The following FCHSD2 variants were observed in gnomAD, a reference collection of about 807,000 sequenced individuals.
FCHSD2 encodes the protein F-BAR and double SH3 domains protein 2.
In FCHSD2, 38 loss-of-function variants were observed where a neutral mutation model predicts 108.1. That is an observed-to-expected ratio of 0.35 (90% CI 0.27 to 0.46). The LOEUF is 0.46. Among genes scored for constraint, FCHSD2 ranks in the 20% least tolerant of loss-of-function variants. The pLI, the probability that FCHSD2 is intolerant of heterozygous loss-of-function variation, is 1.00. For synonymous variants in FCHSD2, 279 were observed against 314.7 expected (o/e 0.89, Z 1.20); for missense variants, 751 against 897.8 (o/e 0.84, Z 2.09).
intron 3 of FCHSD2, among the ~76,000 whole-genome samples, chr11:73,070,877 A>C (rs1468384551): frequency 6.6e-6 from 1 of 152,144 alleles, no homozygotes; most frequent in Non-Finnish European, 1.5e-5. Flanking sequence ...GTCTGCTGGA[A>C]GTGAAATAAT....
At chr11:73,014,509 T>C (rs149771427) in intron 4 of FCHSD2, among the ~76,000 whole-genome samples, 5 of 152,328 alleles carry the variant, frequency 3.3e-5, no homozygotes, top group Admixed American at 2.0e-4. Context: ...ACACCTTCCA[T>C]GATATCAGTA....
chr11:73,041,055 G>C (rs924369711), intron 3 of FCHSD2, among the ~76,000 whole-genome samples: 11 of 152,138 alleles, frequency 7.2e-5, no homozygotes, highest in African/African-American at 2.7e-4. Flanking sequence ...ATAAATGACA[G>C]AATTTCATTC....
intron 3 of FCHSD2, among the ~76,000 whole-genome samples, chr11:73,048,914 T>A (rs1446646438): frequency 1.3e-5 from 2 of 152,214 alleles, no homozygotes; most frequent in Non-Finnish European, 2.9e-5. Context: ...TAGCAAGATG[T>A]TGATCGAGTA....
chr11:72,947,624 C>A (rs1292604802), intron 8 of FCHSD2, among the ~76,000 whole-genome samples: 1 of 152,140 alleles, frequency 6.6e-6, no homozygotes, highest in African/African-American at 2.4e-5. Context: ...GTAGGAACTC[C>A]CATCCTCCAG....
chr11:72,945,415 C>T (rs527309727), intron 8 of FCHSD2, among the ~76,000 whole-genome samples: 1 of 152,326 alleles, frequency 6.6e-6, no homozygotes, highest in Non-Finnish European at 1.5e-5. Flanking sequence ...GGGTTAAAGA[C>T]TTAAATGTTA....
intron 6 of FCHSD2, among the ~76,000 whole-genome samples, chr11:72,986,305 G>A (rs548883044): frequency 1.3e-5 from 2 of 152,268 alleles, no homozygotes; most frequent in African/African-American, 4.8e-5. Context: ...TGCCTCCTGG[G>A]TTCATGCCAT....
chr11:73,044,575 C>T (rs1162766496), intron 3 of FCHSD2, among the ~76,000 whole-genome samples: 1 of 151,468 alleles, frequency 6.6e-6, no homozygotes, highest in Non-Finnish European at 1.5e-5. Flanking sequence ...AGACCCCAGT[C>T]CCTTAAAAAA....
At chr11:73,099,980 T>C (rs540533792) in intron 2 of FCHSD2, among the ~76,000 whole-genome samples, 2 of 152,326 alleles carry the variant, frequency 1.3e-5, no homozygotes, top group African/African-American at 2.4e-5. Context: ...CCGTTTGTCA[T>C]AGAAGCACTC....
chr11:72,948,277 G>A (rs977742094), intron 8 of FCHSD2, among the ~76,000 whole-genome samples: 1 of 152,116 alleles, frequency 6.6e-6, no homozygotes, highest in Non-Finnish European at 1.5e-5. Context: ...CAAAATGCTG[G>A]GATTACAAGC....
intron 3 of FCHSD2, among the ~76,000 whole-genome samples, chr11:73,080,730 G>A (rs977347916): frequency 6.6e-6 from 1 of 152,010 alleles, no homozygotes; most frequent in African/African-American, 2.4e-5. Context: ...GATGATCTGA[G>A]GTCAGCAGTT....
intron 8 of FCHSD2, among the ~76,000 whole-genome samples, chr11:72,971,041 C>G (rs1004490543): frequency 1.3e-5 from 2 of 152,066 alleles, no homozygotes; most frequent in Admixed American, 6.6e-5. Flanking sequence ...GTGAGTGGTA[C>G]GGAGATAAGT....
intron 17 of FCHSD2, 94 bp downstream of exon 17, chr11:72,842,525 CAG>C: frequency 6.8e-7 from 1 of 1,474,090 alleles, no homozygotes; most frequent in Non-Finnish European, 9.2e-7. Context: ...GAGGGTAAGG[CAG>C]AGACTGCAGC....
intron 3 of FCHSD2, among the ~76,000 whole-genome samples, chr11:73,050,757 C>G: frequency 6.6e-6 from 1 of 152,032 alleles, no homozygotes; most frequent in South Asian, 2.1e-4. Flanking sequence ...AGGAAAAAAC[C>G]GTCTCACTGA....
chr11:72,995,157 C>G (rs1305611388), intron 5 of FCHSD2, among the ~76,000 whole-genome samples: 1 of 152,144 alleles, frequency 6.6e-6, no homozygotes, highest in Non-Finnish European at 1.5e-5. Flanking sequence ...GGTGTCAGTA[C>G]TTCATTCCTT....
At chr11:72,947,025 T>C (rs944448657) in intron 8 of FCHSD2, among the ~76,000 whole-genome samples, 15 of 152,226 alleles carry the variant, frequency 9.9e-5, no homozygotes, top group South Asian at 2.1e-4. Flanking sequence ...CCCAGCCTGC[T>C]TTCCCAGGCC....
At chr11:72,885,476 G>A (rs1395987023) in intron 12 of FCHSD2, among the ~76,000 whole-genome samples, 1 of 152,078 alleles carries the variant, frequency 6.6e-6, no homozygotes, top group Non-Finnish European at 1.5e-5. Context: ...GCATACTATG[G>A]AAATAATAGG....
chr11:72,981,754 TC>T (rs1857219614), intron 8 of FCHSD2, among the ~76,000 whole-genome samples: 1 of 152,150 alleles, frequency 6.6e-6, no homozygotes, highest in African/African-American at 2.4e-5. Flanking sequence ...GGTGGGAGGA[TC>T]TCTTAAGCCC....
At chr11:73,125,300 A>C (rs1157540024) in intron 2 of FCHSD2, among the ~76,000 whole-genome samples, 2 of 152,266 alleles carry the variant, frequency 1.3e-5, no homozygotes, top group East Asian at 3.8e-4. Flanking sequence ...TTATATTACG[A>C]GGTTTATAAG....
chr11:73,074,512 A>G (rs1318189378), intron 3 of FCHSD2, among the ~76,000 whole-genome samples: 1 of 152,230 alleles, frequency 6.6e-6, no homozygotes, highest in Admixed American at 6.5e-5. Flanking sequence ...AAATTCCAGA[A>G]CATTGCATAA....
Sources: gnomAD v4.1 joint callset for allele counts (sites outside exome capture counted in the v4.1 genomes callset) on GRCh38, gnomAD v4.1.1 for gene constraint, MANE v1.5 for transcripts, NCBI Gene and HGNC (gene_info 2026-07-23, HGNC 2026-07-21) for gene names.